The following TMEM154 variants were observed in gnomAD, a reference collection of about 807,000 sequenced individuals.
TMEM154 encodes transmembrane protein 154.
In TMEM154, 27 loss-of-function variants were observed where a neutral mutation model predicts 24.5. The ratio of observed to expected loss-of-function variants is 1.10; its 90% CI spans 0.81 to 1.52. The LOEUF is 1.52. Among genes scored for constraint, TMEM154 ranks in the 40% most tolerant of loss-of-function variants. The pLI, the probability that TMEM154 is intolerant of heterozygous loss-of-function variation, is 0.00. For missense variants in TMEM154, 228 were observed against 213.4 expected, an observed-to-expected ratio of 1.07 and a Z score of -0.43; for synonymous variants, 67 against 76.8, an observed-to-expected ratio of 0.87 and a Z score of 0.67.
At position 152,625,111 on chromosome 4, in the gene TMEM154, G is replaced by A. The variant is rs1751896294; in HGVS notation, c.*3435C>T. 1 of 152,308 alleles carries A rather than the reference G, an allele frequency of 6.6e-6. No individual in the cohort carries two copies. The highest frequency in any genetic ancestry group is 1.9e-4 in the East Asian group (1 of 5,194). The allele number at this position is 152,308 out of a possible 1,614,324, so 9.4% of individuals were successfully genotyped here. A position where few individuals can be genotyped will look rare whatever the true frequency, so the allele number is the denominator to read the frequency against. On this transcript the variant is annotated 3_prime_UTR_variant, in exon 7 of 7. Coordinates refer to ENST00000304385, the MANE Select transcript of TMEM154 (RefSeq NM_152680.3). ...CATAAGGCCTTTTTTCAGAGATGGT[G>A]TGAATTAATAGTTTAAACCACCAAA...
chr4:152,634,727 T>C (rs6825076), intron 6 of TMEM154, among the ~76,000 whole-genome samples: 147 of 152,328 alleles, frequency 9.7e-4, no homozygotes, highest in African/African-American at 3.5e-3. Context: ...TCCTGCAGGA[T>C]TATAAACTGT....
intron 3 of TMEM154, chr4:152,647,294 G>A (rs903815757): frequency 1.1e-5 from 11 of 985,136 alleles, no homozygotes; most frequent in African/African-American, 1.7e-5. Context: ...CAAGCAAAAC[G>A]CTGGTATGAC....
chr4:152,647,318 T>C (rs1393469971), intron 3 of TMEM154: 1 of 985,150 alleles, frequency 1.0e-6, no homozygotes, highest in African/African-American at 1.8e-5. Flanking sequence ...CCATGATAGT[T>C]GTATTTTACC....
At chr4:152,661,466 C>A (rs1306082505) in intron 1 of TMEM154, among the ~76,000 whole-genome samples, 1 of 152,042 alleles carries the variant, frequency 6.6e-6, no homozygotes, top group African/African-American at 2.4e-5. Context: ...AACTTTATTG[C>A]CCACATTTTA....
chr4:152,641,874 A>ACCT (rs1015599689), intron 5 of TMEM154, among the ~76,000 whole-genome samples: 2 of 115,298 alleles, frequency 1.7e-5, no homozygotes, highest in African/African-American at 6.8e-5. Flanking sequence ...TTGAAATCAC[A>ACCT]CCTTGATAAG....
intron 6 of TMEM154, among the ~76,000 whole-genome samples, chr4:152,629,850 A>G (rs1210777484): frequency 6.6e-6 from 1 of 152,204 alleles, no homozygotes; most frequent in Non-Finnish European, 1.5e-5. Flanking sequence ...AGATAAGTAG[A>G]TAGATAATGG....
At chr4:152,651,477 G>A (rs1728382015) in intron 3 of TMEM154, among the ~76,000 whole-genome samples, 1 of 152,198 alleles carries the variant, frequency 6.6e-6, no homozygotes, top group South Asian at 2.1e-4. Flanking sequence ...TTATGTTATA[G>A]AAATGGCTTT....
At chr4:152,644,139 A>T (rs1011253402) in intron 4 of TMEM154, among the ~76,000 whole-genome samples, 14 of 152,232 alleles carry the variant, frequency 9.2e-5, no homozygotes, top group African/African-American at 2.4e-4. Flanking sequence ...ACTGCTATGC[A>T]CTTGAAATTG....
chr4:152,644,459 A>G lies in TMEM154; in HGVS notation c.365-17T>C. 6.2e-7 allele frequency: 1 copy of G among 1,613,814 alleles called. No homozygotes were observed. Among genetic ancestry groups the G allele is most frequent in the East Asian group, 2.2e-5 (1 of 44,892 alleles). ...CCAGTTCATCTAAAAGGAAATGAAC[A>G]TAAAGGTCATGTTAGCTTTGTTCTT... On this transcript the variant is annotated splice_polypyrimidine_tract_variant and intron_variant, in intron 3 of 6. Transcript: ENST00000304385.
intron 1 of TMEM154, among the ~76,000 whole-genome samples, chr4:152,679,559 A>C (rs960045738): frequency 1.3e-5 from 2 of 152,090 alleles, no homozygotes; most frequent in African/African-American, 4.8e-5. Flanking sequence ...TAAACTGCCA[A>C]AAAGTTTATG....
chr4:152,634,337 G>T (rs960743767), intron 6 of TMEM154, among the ~76,000 whole-genome samples: 3 of 152,116 alleles, frequency 2.0e-5, no homozygotes, highest in Non-Finnish European at 4.4e-5. Context: ...CTCCAAAGAT[G>T]GCAATAAACC....
At chr4:152,640,903 A>G (rs760768144) in intron 6 of TMEM154, 25 bp downstream of exon 6, 2 of 838,104 alleles carry the variant, frequency 2.4e-6, no homozygotes, top group Non-Finnish European at 3.8e-6. Flanking sequence ...ATATACATGT[A>G]ATCTGTGGTA....
intron 1 of TMEM154, chr4:152,669,891 CT>C (rs1276431072): frequency 6.6e-6 from 1 of 152,244 alleles, no homozygotes; most frequent in African/African-American, 2.4e-5. Flanking sequence ...GGTAACTCTT[CT>C]TTTAACCACC....
In TMEM154 at chr4:152,620,374, A is replaced by G. The variant is rs116730417; in HGVS notation, c.*8172T>C. 1,026 of 152,284 alleles carry G rather than the reference A, an allele frequency of 6.7e-3. 11 individuals are homozygous for G. The highest frequency in any genetic ancestry group is 0.022 in the African/African-American group (932 of 41,542). 9.4% of individuals were successfully genotyped at this position (152,284 alleles called of 1,614,324 possible). On this transcript the variant is annotated 3_prime_UTR_variant, in exon 7 of 7. Transcript: ENST00000304385. Reference sequence around the variant, plus strand: ...AAGCCCTGGCTTTTTTCTCAGCATGATAGACCATTACTTCTGGGCCTAGGG... The same window carrying G: ...AAGCCCTGGCTTTTTTCTCAGCATGGTAGACCATTACTTCTGGGCCTAGGG...
intron 1 of TMEM154, among the ~76,000 whole-genome samples, chr4:152,660,892 T>G (rs576354489): frequency 1.3e-5 from 2 of 151,902 alleles, no homozygotes; most frequent in South Asian, 4.1e-4. Flanking sequence ...GACAGGGTCT[T>G]TTCAGCACCT....
chr4:152,652,504 C>A, intron 3 of TMEM154, 34 bp downstream of exon 3: 3 of 1,611,870 alleles, frequency 1.9e-6, no homozygotes, highest in Non-Finnish European at 2.5e-6. Flanking sequence ...CAATCCCACC[C>A]CCACCTGTAG....
rs1751953392 is a variant in TMEM154, at chr4:152,628,310, G to C, written c.*236C>G. On this transcript the variant is annotated 3_prime_UTR_variant, in exon 7 of 7. Transcript: ENST00000304385. ...TCACCCGCCTCCTTCTCCACCCTCA[G>C]AGGCAGCGATGGATGGCAGCCAGGC... The C allele has an allele frequency of 4.5e-6, 3 of 666,258 alleles. No homozygotes were observed. The allele number at this position is 666,258 out of a possible 1,614,324, so 41.3% of individuals were successfully genotyped here.
chr4:152,633,705 C>T (rs1191579721), intron 6 of TMEM154, among the ~76,000 whole-genome samples: 1 of 151,982 alleles, frequency 6.6e-6, no homozygotes, highest in Non-Finnish European at 1.5e-5. Context: ...TGGCAAATGC[C>T]TGTAATCCTA....
chr4:152,678,541 G>T (rs1004693367), intron 1 of TMEM154, among the ~76,000 whole-genome samples: 1 of 150,716 alleles, frequency 6.6e-6, no homozygotes, highest in Non-Finnish European at 1.5e-5. Flanking sequence ...TGGGGGGAGG[G>T]GGGCAGTGGT....
Sources: gnomAD v4.1 joint callset for allele counts (sites outside exome capture counted in the v4.1 genomes callset) on GRCh38, gnomAD v4.1.1 for gene constraint, MANE v1.5 for transcripts, NCBI Gene and HGNC (gene_info 2026-07-23, HGNC 2026-07-21) for gene names.